Variants in CNTNAP2 observed in about 807,000 individuals in gnomAD.
CNTNAP2 encodes the protein contactin associated protein 2.
In CNTNAP2, 98 loss-of-function variants were observed where a neutral mutation model predicts 155.2. The observed-to-expected ratio is 0.63, with a 90% CI of 0.54 to 0.75. CNTNAP2 has a LOEUF of 0.75. Among genes scored for constraint, CNTNAP2 ranks in the 30% least tolerant of loss-of-function variants. The probability of loss-of-function intolerance (pLI) is 0.00; values close to 1 mark genes in which losing one functional copy is unlikely to be tolerated. For missense variants in CNTNAP2, 1,727 were observed against 1,688.1 expected (o/e 1.02, Z -0.40); for synonymous variants, 651 against 631.2 (o/e 1.03, Z -0.47).
chr7:146,979,706 A>G lies in CNTNAP2; in HGVS notation c.403-64201A>G, dbSNP rs566207062. On this transcript the variant is annotated intron_variant, in intron 3 of 23. Transcript: ENST00000361727. ...GAAGAAATACTTCTAGTTCCCACAA[A>G]TTATGCAAAGGGTAAAGTAAAATCT... is the stretch of plus-strand genomic sequence containing the variant. Among the ~76,000 whole-genome samples, 5 of 152,314 alleles carry G rather than the reference A, an allele frequency of 3.3e-5. No individual in the cohort carries two copies. In the South Asian group the frequency reaches 1.0e-3, roughly 32 times the overall value.
At position 148,295,613 on chromosome 7, in the gene CNTNAP2, T is replaced by C. The variant is rs557066993; in HGVS notation, c.3475+28487T>C. On this transcript the variant is annotated intron_variant, in intron 21 of 23. Transcript: ENST00000361727. ...TTCACCCCATTCTCCTGCCTCAGCC[T>C]CCCGAGTAGCTGGGACTACCGGTGC... Among the ~76,000 whole-genome samples, 71 of 137,002 alleles carry C rather than the reference T, an allele frequency of 5.2e-4. 1 individual carries two copies. Among genetic ancestry groups the C allele is most frequent in the Middle Eastern group, 3.8e-3 (1 of 266 alleles). 89.9% of individuals were successfully genotyped at this position (137,002 alleles called of 152,430 possible). A position where few individuals can be genotyped will look rare whatever the true frequency, so the allele number is the denominator to read the frequency against.
chr7:147,000,665 C>G (rs1186698527), intron 3 of CNTNAP2, among the ~76,000 whole-genome samples: 4 of 152,028 alleles, frequency 2.6e-5, no homozygotes, highest in Admixed American at 2.6e-4. Context: ...AGTGACTGGT[C>G]AGAATTTTAT....
chr7:147,856,051 A>C (rs1799031158), intron 13 of CNTNAP2, among the ~76,000 whole-genome samples: 1 of 152,152 alleles, frequency 6.6e-6, no homozygotes, highest in Non-Finnish European at 1.5e-5. Flanking sequence ...CTGCTTGATT[A>C]GTTTGAGGTC....
chr7:148,147,173 C>T (rs915841959), intron 16 of CNTNAP2, among the ~76,000 whole-genome samples: 1 of 152,204 alleles, frequency 6.6e-6, no homozygotes, highest in African/African-American at 2.4e-5. Context: ...CTAAGACACT[C>T]AACATGCGCT....
At chr7:147,466,223 A>G (rs564146125) in intron 10 of CNTNAP2, among the ~76,000 whole-genome samples, 2 of 152,360 alleles carry the variant, frequency 1.3e-5, no homozygotes, top group Non-Finnish European at 2.9e-5. Flanking sequence ...GGGAAACCCA[A>G]CAAGGCCTAA....
chr7:147,402,508 A>C (rs376912560), intron 10 of CNTNAP2, among the ~76,000 whole-genome samples: 1 of 152,162 alleles, frequency 6.6e-6, no homozygotes, highest in East Asian at 1.9e-4. Flanking sequence ...TAGCATTGAG[A>C]GTCCTGCTTC....
At chr7:146,595,286 G>T (rs765731834) in intron 1 of CNTNAP2, among the ~76,000 whole-genome samples, 4 of 152,044 alleles carry the variant, frequency 2.6e-5, no homozygotes, top group Admixed American at 6.6e-5. Flanking sequence ...ATTTTACAAG[G>T]TTCTAACATT....
At chr7:146,605,873 T>C (rs1166325097) in intron 1 of CNTNAP2, among the ~76,000 whole-genome samples, 2 of 152,146 alleles carry the variant, frequency 1.3e-5, no homozygotes, top group Admixed American at 6.5e-5. Context: ...GCTAACTTCT[T>C]CCAAGTGTTA....
intron 1 of CNTNAP2, among the ~76,000 whole-genome samples, chr7:146,364,217 C>T (rs1255136322): frequency 6.6e-6 from 1 of 152,020 alleles, no homozygotes; most frequent in East Asian, 1.9e-4. Flanking sequence ...AGTGATTTGC[C>T]CCCAACTGCA....
chr7:146,683,498 A>G (rs1007651599), intron 1 of CNTNAP2, among the ~76,000 whole-genome samples: 2 of 152,232 alleles, frequency 1.3e-5, no homozygotes, highest in Non-Finnish European at 2.9e-5. Context: ...AGATGAACTC[A>G]AACTACAGTG....
chr7:148,345,196 G>A (rs748697651), intron 21 of CNTNAP2, among the ~76,000 whole-genome samples: 25 of 152,242 alleles, frequency 1.6e-4, no homozygotes, highest in East Asian at 3.9e-4. Context: ...TGGAGGAGAC[G>A]GGCATGTGTG....
chr7:148,161,054 C>T (rs969371824), intron 17 of CNTNAP2, among the ~76,000 whole-genome samples: 1 of 152,172 alleles, frequency 6.6e-6, no homozygotes, highest in Non-Finnish European at 1.5e-5. Context: ...ATCCGTTCTG[C>T]CATTCAGCCC....
chr7:146,743,634 A>G (rs1457397461), intron 1 of CNTNAP2, among the ~76,000 whole-genome samples: 2 of 152,110 alleles, frequency 1.3e-5, no homozygotes. Flanking sequence ...GCACAGTACA[A>G]GTGTCTGAGT....
rs535111690 is a variant in CNTNAP2 at position 148,399,287 on chromosome 7, CA to C, written c.3716-10097del. ...TGTCAAAAAACAAATCCATAAACTT[CA>C]AAAAAATCCACGGTACAGTATTTTT... On this transcript the variant is annotated intron_variant, in intron 22 of 23. Coordinates refer to ENST00000361727, the MANE Select transcript of CNTNAP2 (RefSeq NM_014141.6). Among the ~76,000 whole-genome samples the C allele has an allele frequency of 2.9e-3, 438 of 152,174 alleles. 2 individuals carry two copies. Among genetic ancestry groups the C allele is most frequent in the Admixed American group, 6.1e-3 (93 of 15,282 alleles).
At chr7:146,454,233 G>T (rs551618668) in intron 1 of CNTNAP2, among the ~76,000 whole-genome samples, 1 of 152,182 alleles carries the variant, frequency 6.6e-6, no homozygotes, top group East Asian at 1.9e-4. Context: ...TCTTGTTATA[G>T]ATATTTTTTA....
At chr7:147,569,338 A>G (rs1007731129) in intron 12 of CNTNAP2, among the ~76,000 whole-genome samples, 4 of 151,906 alleles carry the variant, frequency 2.6e-5, no homozygotes, top group African/African-American at 9.7e-5. Context: ...AGTGGAGAGT[A>G]TCATAAACCC....
intron 12 of CNTNAP2, among the ~76,000 whole-genome samples, chr7:147,596,246 T>C (rs991533139): frequency 6.6e-6 from 1 of 152,212 alleles, no homozygotes; most frequent in African/African-American, 2.4e-5. Flanking sequence ...TTTCTTTTTC[T>C]CACTCTCTTT....
chr7:148,082,835 C>A (rs1023098543), intron 15 of CNTNAP2, among the ~76,000 whole-genome samples: 1 of 152,104 alleles, frequency 6.6e-6, no homozygotes, highest in Non-Finnish European at 1.5e-5. Context: ...TGTGCCACCA[C>A]GCCCAGCTAA....
chr7:146,240,902 C>T (rs1157271276), intron 1 of CNTNAP2, among the ~76,000 whole-genome samples: 3 of 152,104 alleles, frequency 2.0e-5, no homozygotes, highest in Non-Finnish European at 2.9e-5. Flanking sequence ...TGTACAAGTA[C>T]GGTGCTGGCA....
Sources: allele counts gnomAD v4.1 joint callset (sites outside exome capture counted in the v4.1 genomes callset), GRCh38; gene constraint gnomAD v4.1.1; transcripts MANE v1.5; gene names NCBI Gene and HGNC (gene_info 2026-07-23, HGNC 2026-07-21).